The following RAP1B variants were observed in gnomAD, a reference collection of about 807,000 sequenced individuals.
RAP1B encodes ras-related protein Rap-1b.
RAP1B carries 1 observed loss-of-function variant against 27.5 expected under a neutral mutation model. That is an observed-to-expected ratio of 0.04 (90% CI 0.01 to 0.17). The LOEUF (loss-of-function observed/expected upper bound fraction) is 0.17. Ranked by LOEUF, RAP1B falls within the 10% of genes least tolerant of loss-of-function variation. The pLI is 1.00. For synonymous variants in RAP1B, 75 were observed against 73.1 expected (o/e 1.03, Z -0.13); for missense variants, 84 against 214.8 (o/e 0.39, Z 3.81).
intron 1 of RAP1B, chr12:68,626,948 C>T: frequency 1.3e-6 from 2 of 1,530,212 alleles, no homozygotes; most frequent in Non-Finnish European, 1.8e-6. Flanking sequence ...CTGGGATGAG[C>T]CGCTTCTCAG....
At chr12:68,634,572 A>G (rs1216107277) in intron 1 of RAP1B, among the ~76,000 whole-genome samples, 4 of 151,104 alleles carry the variant, frequency 2.6e-5, no homozygotes, top group Admixed American at 1.3e-4. Flanking sequence ...GGTGATCTTG[A>G]GCCTATATTA....
At chr12:68,655,618 C>T (rs1874152706) in intron 5 of RAP1B, among the ~76,000 whole-genome samples, 2 of 151,316 alleles carry the variant, frequency 1.3e-5, no homozygotes, top group Non-Finnish European at 2.9e-5. Context: ...TCACTGCAAC[C>T]TCTGCCTCCC....
intron 1 of RAP1B, among the ~76,000 whole-genome samples, chr12:68,629,784 C>T (rs1254951566): frequency 2.0e-5 from 3 of 152,120 alleles, no homozygotes; most frequent in Non-Finnish European, 4.4e-5. Flanking sequence ...GCTATCTATG[C>T]CAGAAATCGT....
In RAP1B at chr12:68,670,602, A is replaced by G. The variant is rs1040803719; in HGVS notation, c.*11353A>G. 1 of 152,242 alleles carries G rather than the reference A, an allele frequency of 6.6e-6. No homozygotes were observed. Among genetic ancestry groups the G allele is most frequent in the Non-Finnish European group, 1.5e-5 (1 of 68,044 alleles). 9.4% of individuals were successfully genotyped at this position (152,242 alleles called of 1,614,324 possible). On this transcript the variant is annotated 3_prime_UTR_variant, in exon 8 of 8. Coordinates refer to ENST00000250559, the MANE Select transcript of RAP1B (RefSeq NM_001010942.3). ...AATGTAAGTCGAAAATGCATTTAAT[A>G]CCCTGATAAATCCATCACAAAGCTG...
chr12:68,646,302 GTT>G (rs1387360865), intron 1 of RAP1B, among the ~76,000 whole-genome samples: 1 of 146,302 alleles, frequency 6.8e-6, no homozygotes, highest in Admixed American at 6.8e-5. Flanking sequence ...TTTTTGGTGT[GTT>G]TTTTTTTTTG....
intron 1 of RAP1B, among the ~76,000 whole-genome samples, chr12:68,638,662 C>CT (rs910083551): frequency 1.1e-4 from 17 of 151,756 alleles, no homozygotes; most frequent in East Asian, 3.9e-4. Flanking sequence ...AGGAATCTAA[C>CT]TTTTTTTTGT....
intron 5 of RAP1B, among the ~76,000 whole-genome samples, chr12:68,655,742 G>A (rs190007521): frequency 6.6e-6 from 1 of 151,568 alleles, no homozygotes; most frequent in African/African-American, 2.4e-5. Context: ...CGCCATGTTG[G>A]CCAGGCTGGT....
rs1483968684 is a variant in RAP1B at position 68,665,175 on chromosome 12, G to GTAC, written c.*5926_*5927insTAC. ...AAATGGAATAGAATCGGATGGGTAT[G>GTAC]GTACAGCAGGTAGTTATGGGGAGAC... On this transcript the variant is annotated 3_prime_UTR_variant, in exon 8 of 8. Transcript: ENST00000250559. 2 of 152,204 alleles carry GTAC rather than the reference G, an allele frequency of 1.3e-5. No homozygotes were observed. Among genetic ancestry groups the GTAC allele is most frequent in the Non-Finnish European group, 2.9e-5 (2 of 68,056 alleles). The allele number at this position is 152,204 out of a possible 1,614,324, so 9.4% of individuals were successfully genotyped here.
At chr12:68,632,160 T>TTTTTTTTTC in intron 1 of RAP1B, among the ~76,000 whole-genome samples, 1 of 144,726 alleles carries the variant, frequency 6.9e-6, no homozygotes, top group African/African-American at 2.7e-5. Context: ...GTTTTTTTTT[T>TTTTTTTTTC]CCAGACTGTT....
intron 1 of RAP1B, among the ~76,000 whole-genome samples, chr12:68,618,085 G>GCTTT (rs1871147840): frequency 2.7e-5 from 2 of 74,178 alleles, no homozygotes; most frequent in African/African-American, 9.3e-5. Flanking sequence ...GTTCTATAAA[G>GCTTT]CTTTTTTTTT....
chr12:68,650,648 C>A, intron 3 of RAP1B, 180 bp downstream of exon 3: 1 of 456,350 alleles, frequency 2.2e-6, no homozygotes, highest in Non-Finnish European at 3.5e-6. Flanking sequence ...CATAAACACC[C>A]ATACTCTCAC....
intron 1 of RAP1B, among the ~76,000 whole-genome samples, chr12:68,618,127 G>T (rs1423658865): frequency 8.8e-6 from 1 of 113,950 alleles, no homozygotes; most frequent in Admixed American, 1.3e-4. Context: ...GGAGTCTGTC[G>T]CCCAGGCTAG....
At chr12:68,643,553 C>T in intron 1 of RAP1B, among the ~76,000 whole-genome samples, 1 of 152,158 alleles carries the variant, frequency 6.6e-6, no homozygotes, top group East Asian at 1.9e-4. Context: ...GTAATTAAGA[C>T]TTAAAGAATA....
At chr12:68,638,634 A>T (rs1331250286) in intron 1 of RAP1B, among the ~76,000 whole-genome samples, 3 of 152,064 alleles carry the variant, frequency 2.0e-5, no homozygotes, top group Non-Finnish European at 2.9e-5. Flanking sequence ...AGTGCAATTT[A>T]TTTTTTTATA....
Position 68,645,457 on chromosome 12 carries a change from A to G in RAP1B, c.-26-3242A>G, listed in dbSNP as rs540574050. Among the ~76,000 whole-genome samples the G allele has an allele frequency of 5.2e-4, 79 of 152,366 alleles. No individual in the cohort carries two copies. In the Middle Eastern group the frequency reaches 0.01, roughly 20 times the overall value. On this transcript the variant is annotated intron_variant, in intron 1 of 7. Transcript: ENST00000250559. ...TAACTATTCCCATTTTTAATTGTGC[A>G]TGAAATTTTAGGGAATTGACATATT...
chr12:68,639,917 T>C (rs934866794), intron 1 of RAP1B, among the ~76,000 whole-genome samples: 4 of 151,980 alleles, frequency 2.6e-5, no homozygotes, highest in African/African-American at 7.3e-5. Context: ...CTCAGCTCAC[T>C]GTAGCCTCTG....
rs1316281127 is a variant in RAP1B at position 68,661,832 on chromosome 12, T to C, written c.*2583T>C. 2 of 151,958 alleles carry C rather than the reference T, an allele frequency of 1.3e-5. No individual in the cohort carries two copies. The highest frequency in any genetic ancestry group is 2.9e-5 in the Non-Finnish European group (2 of 67,992). 9.4% of individuals were successfully genotyped at this position (151,958 alleles called of 1,614,324 possible). On this transcript the variant is annotated 3_prime_UTR_variant, in exon 8 of 8. Coordinates refer to ENST00000250559, the MANE Select transcript of RAP1B (RefSeq NM_001010942.3). ...GGGTTACAAGATGGATGGTTTACTA[T>C]ATAGTGAATAAGAATATAAAGTTTG... is the stretch of plus-strand genomic sequence containing the variant.
Position 68,660,745 on chromosome 12 carries a change from A to C in RAP1B, c.*1496A>C, listed in dbSNP as rs1822631569. The C allele has an allele frequency of 6.6e-6, 1 of 152,176 alleles. No individual in the cohort carries two copies. Among genetic ancestry groups the C allele is most frequent in the Non-Finnish European group, 1.5e-5 (1 of 68,028 alleles). 9.4% of individuals were successfully genotyped at this position (152,176 alleles called of 1,614,324 possible). ...ACCACCTTTTGAACTTTTCCTTGAG[A>C]AATAATTTTGTAAATCAAGCAGTAT... On this transcript the variant is annotated 3_prime_UTR_variant, in exon 8 of 8. Transcript: ENST00000250559.
chr12:68,623,351 A>G (rs2135922011), intron 1 of RAP1B, among the ~76,000 whole-genome samples: 1 of 152,318 alleles, frequency 6.6e-6, no homozygotes, highest in Admixed American at 6.5e-5. Context: ...TTTTAGATTA[A>G]CAGTGAATTA....
Sources: gnomAD v4.1 joint callset for allele counts (sites outside exome capture counted in the v4.1 genomes callset) on GRCh38, gnomAD v4.1.1 for gene constraint, MANE v1.5 for transcripts, NCBI Gene and HGNC (gene_info 2026-07-23, HGNC 2026-07-21) for gene names.